Variants in USP34 observed in about 807,000 individuals in gnomAD.
USP34 encodes the protein ubiquitin specific peptidase 34, also known as ubiquitin carboxyl-terminal hydrolase 34.
A neutral mutation model predicts 460.3 loss-of-function variants in USP34; 70 were observed. That is an observed-to-expected ratio of 0.15 (90% CI 0.13 to 0.19). The LOEUF (loss-of-function observed/expected upper bound fraction) is 0.19, where lower values mean the gene tolerates loss of function less well. Ranked by LOEUF, USP34 falls within the 10% of genes least tolerant of loss-of-function variation. The pLI is 1.00. For synonymous variants in USP34, 1,647 were observed against 1,405.3 expected, an observed-to-expected ratio of 1.17 and a Z score of -3.85; for missense variants, 3,985 against 4,236.2, an observed-to-expected ratio of 0.94 and a Z score of 1.65.
In USP34 at chr2:61,405,953, C is replaced by G; in HGVS notation, c.307G>C (p.Glu103Gln). Residue 103 changes from glutamate to glutamine, a missense_variant, in exon 3 of 80, where the codon GAA becomes CAA. Around this residue, in one of 14 missense-constraint regions of USP34, gnomAD observed 331 missense variants for 293.7 expected, o/e 1.13. Transcript: ENST00000398571. ...TWQDESNQAE[E>Q]PLNIDRECNE... ...CACTCTCTATCTATATTCAGTGGTT[C>G]TTCTGCTTGATTACTCTCATCTTGC... 6.2e-7 allele frequency: 1 copy of G among 1,613,380 alleles called. No individual in the cohort carries two copies. The highest frequency in any genetic ancestry group is 8.5e-7 in the Non-Finnish European group (1 of 1,179,916).
At chr2:61,227,285 T>C (rs1301849638) in intron 61 of USP34, 67 bp from the exon 62 acceptor site, 1 of 1,517,524 alleles carries the variant, frequency 6.6e-7, no homozygotes, top group Admixed American at 2.0e-5. Context: ...AACAAATGAC[T>C]TGTTTTATGT....
At chr2:61,324,233 G>A (rs1691016636) in intron 21 of USP34, among the ~76,000 whole-genome samples, 1 of 152,192 alleles carries the variant, frequency 6.6e-6, no homozygotes, top group African/African-American at 2.4e-5. Flanking sequence ...TCTCTTGTGA[G>A]ACCATCTATA....
intron 1 of USP34, among the ~76,000 whole-genome samples, chr2:61,445,885 T>G (rs1181959388): frequency 1.3e-5 from 2 of 151,530 alleles, no homozygotes; most frequent in African/African-American, 2.4e-5. Context: ...AAGGCAGAGG[T>G]TGCAGTGAGC....
Position 61,232,446 on chromosome 2 carries a change from C to G in USP34, c.7113+6G>C. On this transcript the variant is annotated splice_donor_region_variant and intron_variant, in intron 58 of 79. Transcript: ENST00000398571. ...AATAATTTTTTTCAAACATATTTTT[C>G]CTTACCTGTCTCACAATTTGATTAG... 6.3e-7 allele frequency: 1 copy of G among 1,598,858 alleles called. No individual in the cohort carries two copies. The highest frequency in any genetic ancestry group is 8.5e-7 in the Non-Finnish European group (1 of 1,173,256).
At chr2:61,459,865 T>C (rs1695549808) in intron 1 of USP34, among the ~76,000 whole-genome samples, 1 of 151,132 alleles carries the variant, frequency 6.6e-6, no homozygotes, top group African/African-American at 2.4e-5. Flanking sequence ...ATCAAGACCA[T>C]CCTGATTAAC....
chr2:61,458,999 G>T (rs1695518427), intron 1 of USP34, among the ~76,000 whole-genome samples: 1 of 152,044 alleles, frequency 6.6e-6, no homozygotes, highest in Non-Finnish European at 1.5e-5. Context: ...CCGGGAGGTG[G>T]AAGTTGCAGT....
At chr2:61,365,941 C>T (rs12992614) in intron 10 of USP34, among the ~76,000 whole-genome samples, 79,609 of 151,688 alleles carry the variant, frequency 0.52, 21,213 homozygotes, top group South Asian at 0.73. Context: ...TGACTGGGAA[C>T]ACCTATTTAT....
Position 61,348,780 on chromosome 2 carries a change from C to T in USP34, c.1650G>A (p.Val550=), listed in dbSNP as rs1691849603. 6.2e-7 allele frequency: 1 copy of T among 1,613,046 alleles called. No individual in the cohort carries two copies. Among genetic ancestry groups the T allele is most frequent in the Non-Finnish European group, 8.5e-7 (1 of 1,179,692 alleles). Residue 550 remains valine (V), a synonymous_variant, in exon 14 of 80, where the codon GTG becomes GTA. Transcript: ENST00000398571. The stretch of plus-strand genomic sequence containing the variant: ...CCTCTGTGTCTGAAAGTCGTTGTTG[C>T]ACATGTTTGGTTCTATTAATAAGTT... ...DEQLINRTKH[V]QQRLSDTEES...
At chr2:61,355,693 T>C (rs564096775) in intron 10 of USP34, among the ~76,000 whole-genome samples, 1 of 151,238 alleles carries the variant, frequency 6.6e-6, no homozygotes, top group African/African-American at 2.4e-5. Flanking sequence ...ATGGAAGAAA[T>C]GAGGCAGAAA....
intron 2 of USP34, among the ~76,000 whole-genome samples, chr2:61,409,769 A>G (rs1693985161): frequency 6.6e-6 from 1 of 152,158 alleles, no homozygotes; most frequent in Non-Finnish European, 1.5e-5. Flanking sequence ...AAACTGCTTG[A>G]TAATGGACCT....
At chr2:61,447,044 C>G (rs906305591) in intron 1 of USP34, among the ~76,000 whole-genome samples, 2 of 151,952 alleles carry the variant, frequency 1.3e-5, no homozygotes, top group African/African-American at 2.4e-5. Flanking sequence ...CACCTGAGGT[C>G]AGGAGTTCAA....
intron 25 of USP34, among the ~76,000 whole-genome samples, chr2:61,313,211 TAA>T (rs1222157526): frequency 1.3e-5 from 2 of 151,664 alleles, no homozygotes; most frequent in African/African-American, 4.8e-5. Flanking sequence ...CATGAACAAA[TAA>T]AAAGATATCA....
intron 1 of USP34, among the ~76,000 whole-genome samples, chr2:61,432,842 A>G (rs953099068): frequency 1.3e-5 from 2 of 152,154 alleles, no homozygotes; most frequent in Non-Finnish European, 2.9e-5. Context: ...CTAGATATCT[A>G]AAACTTTCTA....
At chr2:61,434,171 A>G (rs1489968722) in intron 1 of USP34, among the ~76,000 whole-genome samples, 1 of 152,098 alleles carries the variant, frequency 6.6e-6, no homozygotes, top group African/African-American at 2.4e-5. Context: ...GGCTCCTAGC[A>G]CCTCTGCCCC....
intron 37 of USP34, among the ~76,000 whole-genome samples, chr2:61,281,455 T>C (rs747152226): frequency 2.6e-5 from 4 of 152,020 alleles, no homozygotes; most frequent in Admixed American, 6.5e-5. Context: ...CCACAAAAAA[T>C]ACAAAAATTA....
chr2:61,400,389 G>A (rs1309719315), intron 3 of USP34, among the ~76,000 whole-genome samples: 1 of 152,030 alleles, frequency 6.6e-6, no homozygotes, highest in African/African-American at 2.4e-5. Context: ...GATTACAGGT[G>A]TGAGCCACCG....
intron 48 of USP34, chr2:61,250,364 G>C (rs956447350): frequency 1.2e-5 from 2 of 168,488 alleles, no homozygotes; most frequent in Non-Finnish European, 2.6e-5. Flanking sequence ...CCTCTCATAA[G>C]GGCTTGCTGT....
chr2:61,428,699 G>A (rs1053720267), intron 1 of USP34, among the ~76,000 whole-genome samples: 6 of 152,158 alleles, frequency 3.9e-5, no homozygotes, highest in Non-Finnish European at 8.8e-5. Context: ...AGCAAGCCAC[G>A]GAACGAGCAG....
intron 33 of USP34, among the ~76,000 whole-genome samples, chr2:61,290,278 G>A (rs1030900814): frequency 3.9e-5 from 6 of 152,040 alleles, no homozygotes; most frequent in African/African-American, 1.4e-4. Context: ...AAACAGTTTG[G>A]CATCTTCTTA....
Sources: allele counts gnomAD v4.1 joint callset (sites outside exome capture counted in the v4.1 genomes callset), GRCh38; gene constraint gnomAD v4.1.1; regional missense constraint gnomAD v4.1.1; transcripts MANE v1.5; gene names NCBI Gene and HGNC (gene_info 2026-07-23, HGNC 2026-07-21).